The following CNTN1 variants were observed in gnomAD, a reference collection of about 807,000 sequenced individuals.
CNTN1 encodes contactin 1.
A neutral mutation model predicts 126.4 loss-of-function variants in CNTN1; 38 were observed. That is an observed-to-expected ratio of 0.30 (90% CI 0.23 to 0.39). CNTN1 has a LOEUF of 0.39. CNTN1 is among the 10% of genes least tolerant of loss of function. The probability of loss-of-function intolerance (pLI) is 1.00; values close to 1 mark genes in which losing one functional copy is unlikely to be tolerated. For synonymous variants in CNTN1, 413 were observed against 422.6 expected, an observed-to-expected ratio of 0.98 and a Z score of 0.28; for missense variants, 1,009 against 1,248.4, an observed-to-expected ratio of 0.81 and a Z score of 2.89.
At chr12:40,985,427 A>AT (rs886452274) in intron 16 of CNTN1, among the ~76,000 whole-genome samples, 24 of 152,100 alleles carry the variant, frequency 1.6e-4, no homozygotes, top group African/African-American at 5.5e-4. Flanking sequence ...AGGTTTTTAC[A>AT]TTTTTTCTAT....
At chr12:40,957,274 GAGAAA>G (rs1477359920) in intron 14 of CNTN1, among the ~76,000 whole-genome samples, 1 of 151,894 alleles carries the variant, frequency 6.6e-6, no homozygotes, top group African/African-American at 2.4e-5. Context: ...AGAGAAAGAA[GAGAAA>G]AGAAGAGAGA....
chr12:40,938,159 G>T (rs1946146658), intron 11 of CNTN1, among the ~76,000 whole-genome samples: 1 of 152,190 alleles, frequency 6.6e-6, no homozygotes, highest in African/African-American at 2.4e-5. Context: ...TCTGCTTGGA[G>T]TCTGCCAAGG....
intron 1 of CNTN1, among the ~76,000 whole-genome samples, chr12:40,704,950 C>T (rs1468051904): frequency 6.6e-6 from 1 of 152,154 alleles, no homozygotes; most frequent in African/African-American, 2.4e-5. Flanking sequence ...AATCATTGCT[C>T]AACATGTGAA....
chr12:40,767,374 T>C (rs561331527), intron 1 of CNTN1, among the ~76,000 whole-genome samples: 1 of 130,638 alleles, frequency 7.7e-6, no homozygotes, highest in Non-Finnish European at 1.5e-5. Context: ...AGTGGCACGA[T>C]CTCGGCTCAC....
chr12:40,994,534 T>C (rs1252945861), intron 17 of CNTN1, among the ~76,000 whole-genome samples: 1 of 152,134 alleles, frequency 6.6e-6, no homozygotes, highest in Non-Finnish European at 1.5e-5. Context: ...TTTCTTTATA[T>C]TTTTGTTTTT....
chr12:41,056,660 A>G (rs1341286306), intron 23 of CNTN1, among the ~76,000 whole-genome samples: 1 of 151,986 alleles, frequency 6.6e-6, no homozygotes, highest in Non-Finnish European at 1.5e-5. Flanking sequence ...TTCTGCCATT[A>G]TCTAAACAGA....
chr12:41,004,210 A>G (rs565116036), intron 17 of CNTN1, among the ~76,000 whole-genome samples: 1 of 152,318 alleles, frequency 6.6e-6, no homozygotes, highest in East Asian at 1.9e-4. Context: ...CCCAAATATC[A>G]TTCAGGAGCA....
At chr12:40,981,901 G>A (rs1285167571) in intron 16 of CNTN1, among the ~76,000 whole-genome samples, 3 of 150,998 alleles carry the variant, frequency 2.0e-5, no homozygotes, top group South Asian at 2.1e-4. Context: ...AATGAGACAC[G>A]AGTGTGTGAA....
intron 1 of CNTN1, among the ~76,000 whole-genome samples, chr12:40,898,021 T>G (rs1391863937): frequency 6.6e-6 from 1 of 152,200 alleles, no homozygotes; most frequent in Non-Finnish European, 1.5e-5. Context: ...AATTTGACCT[T>G]TATTATTCTC....
chr12:40,849,081 T>C (rs1265136357), intron 1 of CNTN1, among the ~76,000 whole-genome samples: 1 of 152,126 alleles, frequency 6.6e-6, no homozygotes, highest in African/African-American at 2.4e-5. Flanking sequence ...CCGAAGAACC[T>C]GAATTTAGTC....
chr12:40,709,590 T>C (rs1056357141), intron 1 of CNTN1, among the ~76,000 whole-genome samples: 2 of 152,218 alleles, frequency 1.3e-5, no homozygotes, highest in Non-Finnish European at 2.9e-5. Context: ...TAAGGCTGTT[T>C]CGTTTACGTT....
intron 23 of CNTN1, among the ~76,000 whole-genome samples, chr12:41,057,528 A>C (rs1042719805): frequency 6.6e-6 from 1 of 152,074 alleles, no homozygotes; most frequent in African/African-American, 2.4e-5. Flanking sequence ...TGTAATTCTC[A>C]GAATATGCAA....
In CNTN1 at chr12:40,936,972, G is replaced by A. The variant is rs74587413; in HGVS notation, c.1110+67G>A. 0.053 allele frequency: 84,902 copies of A among 1,598,068 alleles called. 2,702 individuals carry two copies. Among genetic ancestry groups the A allele is most frequent in the Non-Finnish European group, 0.065 (76,227 of 1,167,342 alleles). Reference sequence around the variant, plus strand: ...CAAGCAGTGTTTCAGGGTAGTCCTGGGATAAATTTAGCAGGAGAGACAATA... The same window carrying A: ...CAAGCAGTGTTTCAGGGTAGTCCTGAGATAAATTTAGCAGGAGAGACAATA... On this transcript the variant is annotated intron_variant, in intron 10 of 23. Coordinates refer to ENST00000551295, the MANE Select transcript of CNTN1 (RefSeq NM_001843.4).
At chr12:40,948,258 C>CTTTTTTTTTTTTTTTTTTTTTTT (rs58087551) in intron 14 of CNTN1, among the ~76,000 whole-genome samples, 1 of 62,682 alleles carries the variant, frequency 1.6e-5, no homozygotes, top group Non-Finnish European at 2.8e-5. Context: ...TTCTTTCTTT[C>CTTTTTTTTTTTTTTTTTTTTTTT]TTTTTTTTTT....
chr12:41,018,100 AAATAAT>A (rs935630016), intron 19 of CNTN1, among the ~76,000 whole-genome samples: 1 of 150,774 alleles, frequency 6.6e-6, no homozygotes, highest in Non-Finnish European at 1.5e-5. Flanking sequence ...CAAAAAAAAA[AAATAAT>A]AATAATAATA....
intron 1 of CNTN1, among the ~76,000 whole-genome samples, chr12:40,809,740 C>G (rs189491941): frequency 6.6e-6 from 1 of 151,548 alleles, no homozygotes; most frequent in African/African-American, 2.4e-5. Context: ...TGCTTGAACC[C>G]GGGGGGCAGA....
In CNTN1 at chr12:40,817,475, C is replaced by CTT. The variant is rs758574869; in HGVS notation, c.-76-90857_-76-90856dup. On this transcript the variant is annotated intron_variant, in intron 1 of 23. Coordinates refer to ENST00000551295, the MANE Select transcript of CNTN1 (RefSeq NM_001843.4). ...TCAGAGACTAGGATTGCAACCCCTGCTTTTTTTTTTTTTTTTTTTTTTTTT... is the reference window on the plus strand; with the variant it reads ...TCAGAGACTAGGATTGCAACCCCTGCTTTTTTTTTTTTTTTTTTTTTTTTTTT... Among the ~76,000 whole-genome samples, 84 of 40,692 alleles carry CTT rather than the reference C, an allele frequency of 2.1e-3. 3 individuals are homozygous for CTT. The highest frequency in any genetic ancestry group is 7.7e-3 in the African/African-American group (68 of 8,852). The allele number at this position is 40,692 out of a possible 152,430, so 26.7% of individuals were successfully genotyped here.
At chr12:40,957,011 G>A (rs1946909995) in intron 14 of CNTN1, among the ~76,000 whole-genome samples, 1 of 151,416 alleles carries the variant, frequency 6.6e-6, no homozygotes, top group Non-Finnish European at 1.5e-5. Context: ...GAAAGGGAGG[G>A]GTTAAGAATG....
intron 1 of CNTN1, among the ~76,000 whole-genome samples, chr12:40,895,354 A>G (rs1288638808): frequency 6.6e-6 from 1 of 152,188 alleles, no homozygotes; most frequent in Non-Finnish European, 1.5e-5. Flanking sequence ...AAACACCTGC[A>G]ACTAGGTAAG....
Sources: gnomAD v4.1 joint callset for allele counts (sites outside exome capture counted in the v4.1 genomes callset) on GRCh38, gnomAD v4.1.1 for gene constraint, MANE v1.5 for transcripts, NCBI Gene and HGNC (gene_info 2026-07-23, HGNC 2026-07-21) for gene names.